The following PIGX variants were observed in gnomAD, a reference collection of about 807,000 sequenced individuals.
The protein encoded by PIGX is phosphatidylinositol glycan anchor biosynthesis class X, also known as GPI alpha-1,4-mannosyltransferase I, stabilizing subunit.
PIGX carries 24 observed loss-of-function variants against 28.7 expected under a neutral mutation model. The observed-to-expected ratio is 0.84, with a 90% CI of 0.60 to 1.17. PIGX has a LOEUF of 1.17. Among genes scored for constraint, PIGX ranks in the 50% most tolerant of loss-of-function variants. The probability of loss-of-function intolerance (pLI) is 0.00; values close to 1 mark genes in which losing one functional copy is unlikely to be tolerated. For synonymous variants in PIGX, 127 were observed against 121.0 expected (o/e 1.05, Z -0.33); for missense variants, 305 against 317.8 (o/e 0.96, Z 0.31).
chr3:196,712,546 T>TGGCGGCGGTTCGGGC lies in PIGX; in HGVS notation c.18_32dup (p.Val8_Ala12dup), dbSNP rs1319457156. On this transcript the variant is annotated inframe_insertion, in exon 1 of 6. Coordinates refer to ENST00000392391, the MANE Select transcript of PIGX (RefSeq NM_017861.4). Reference sequence around the variant, plus strand: ...GCTTCCGGCGTCCTGGCGGCTCGGGTGGCGGCGGTTCGGGCGGCCGCCTGG... The same window carrying TGGCGGCGGTTCGGGC: ...GCTTCCGGCGTCCTGGCGGCTCGGGTGGCGGCGGTTCGGGCGGCGGCGGTTCGGGCGGCCGCCTGG... The TGGCGGCGGTTCGGGC allele has an allele frequency of 4.3e-6, 5 of 1,174,772 alleles. No homozygotes were observed. The highest frequency in any genetic ancestry group is 5.3e-6 in the Non-Finnish European group (5 of 951,266). 72.8% of individuals were successfully genotyped at this position (1,174,772 alleles called of 1,614,324 possible). A position where few individuals can be genotyped will look rare whatever the true frequency, so the allele number is the denominator to read the frequency against.
intron 3 of PIGX, among the ~76,000 whole-genome samples, chr3:196,725,057 A>C (rs762598828): frequency 6.6e-6 from 1 of 152,236 alleles, no homozygotes; most frequent in Non-Finnish European, 1.5e-5. Context: ...AGGTTCACCA[A>C]GGATAAGGCA....
Position 196,734,115 on chromosome 3 carries a change from A to G in PIGX, c.*213A>G, listed in dbSNP as rs1316775797. 3 of 426,660 alleles carry G rather than the reference A, an allele frequency of 7.0e-6. No individual in the cohort carries two copies. The highest frequency in any genetic ancestry group is 1.3e-3 in the Middle Eastern group (2 of 1,594). 26.4% of individuals were successfully genotyped at this position (426,660 alleles called of 1,614,324 possible). A position where few individuals can be genotyped will look rare whatever the true frequency, so the allele number is the denominator to read the frequency against. ...TGGTAATCCTCAAGCATCAGATGCC[A>G]TAAGGGGAAACTTAATTCTGCTAAA... On this transcript the variant is annotated 3_prime_UTR_variant, in exon 6 of 6. Coordinates refer to ENST00000392391, the MANE Select transcript of PIGX (RefSeq NM_017861.4).
In PIGX at chr3:196,730,923, G is replaced by T. The variant is rs902090312; in HGVS notation, c.533-69G>T. 18 of 870,230 alleles carry T rather than the reference G, an allele frequency of 2.1e-5. No individual in the cohort carries two copies. The African/African-American group carries it at 3.0e-4, about 15-fold the overall frequency. The allele number at this position is 870,230 out of a possible 1,614,324, so 53.9% of individuals were successfully genotyped here. On this transcript the variant is annotated intron_variant, in intron 4 of 5. Transcript: ENST00000392391. ...TGTTTGACAACTTCTGTCTATTGAG[G>T]TTTAATACAAGCCTAGCTTTCAGTC...
rs1712880250 is a variant in PIGX, at chr3:196,733,195, CTAA to C, written c.634-562_634-560del. On this transcript the variant is annotated intron_variant, in intron 5 of 5. Coordinates refer to ENST00000392391, the MANE Select transcript of PIGX (RefSeq NM_017861.4). The surrounding 1 kb of genome is among the most constrained non-coding windows in gnomAD (Gnocchi z 4.3). ...TATGTAAAAAGCAGAAAAATCAGAACTAATGAGATTTAACAAATTATTGTGGGA... is the reference window on the plus strand; with the variant it reads ...TATGTAAAAAGCAGAAAAATCAGAACTGAGATTTAACAAATTATTGTGGGA... Among the ~76,000 whole-genome samples the C allele has an allele frequency of 6.6e-6, 1 of 152,066 alleles. No homozygotes were observed. Among genetic ancestry groups the C allele is most frequent in the Non-Finnish European group, 1.5e-5 (1 of 68,006 alleles).
intron 3 of PIGX, among the ~76,000 whole-genome samples, chr3:196,725,358 T>C (rs1426273583): frequency 6.6e-6 from 1 of 152,172 alleles, no homozygotes; most frequent in Non-Finnish European, 1.5e-5. Flanking sequence ...AGTCATTGAA[T>C]ATCAGGCAAT....
chr3:196,728,850 GTTGC>G, intron 4 of PIGX: 1 of 722,294 alleles, frequency 1.4e-6, no homozygotes, highest in Non-Finnish European at 2.5e-6. Context: ...TTACCCCTCT[GTTGC>G]TTTTTGTTTC....
intron 5 of PIGX, among the ~76,000 whole-genome samples, chr3:196,732,122 G>GGCACGATCTCGGCTC (rs1712785070): frequency 6.7e-6 from 1 of 148,384 alleles, no homozygotes; most frequent in Non-Finnish European, 1.5e-5. Context: ...CACCACACCT[G>GGCACGATCTCGGCTC]ACTTCAGTTG....
rs544586826 is a variant in PIGX at position 196,729,844 on chromosome 3, C to T, written c.533-1148C>T. ...CAGCACTTTGGGAGGCCGAGGCAGG[C>T]GGATCAGTTGAGGTCAGGAGTTCGA... On this transcript the variant is annotated intron_variant, in intron 4 of 5. Transcript: ENST00000392391. Among the ~76,000 whole-genome samples, 44 of 151,156 alleles carry T rather than the reference C, an allele frequency of 2.9e-4. 1 individual carries two copies. The highest frequency in any genetic ancestry group is 9.8e-4 in the East Asian group (5 of 5,104).
At chr3:196,721,168 C>T (rs1712306494) in intron 2 of PIGX, 2 of 377,006 alleles carry the variant, frequency 5.3e-6, no homozygotes, top group South Asian at 2.0e-5. Flanking sequence ...ATTCTCTTCT[C>T]TTTTTTAGGA....
In PIGX at chr3:196,714,654, G is replaced by A. The variant is rs551682929; in HGVS notation, c.112+2010G>A. On this transcript the variant is annotated intron_variant, in intron 1 of 5. Coordinates refer to ENST00000392391, the MANE Select transcript of PIGX (RefSeq NM_017861.4). The stretch of plus-strand genomic sequence containing the variant: ...TTTTTTGTATTTTAGTAAAGACGGG[G>A]TTTCACCATGTTGGCCAGGTTGGTC... Among the ~76,000 whole-genome samples, 14 of 152,244 alleles carry A rather than the reference G, an allele frequency of 9.2e-5. No homozygotes were observed. The East Asian group carries it at 2.7e-3, about 30-fold the overall frequency.
chr3:196,726,246 A>G (rs1232357801), intron 3 of PIGX, among the ~76,000 whole-genome samples: 2 of 152,158 alleles, frequency 1.3e-5, no homozygotes, highest in Non-Finnish European at 2.9e-5. Flanking sequence ...AGCCATGATC[A>G]TGCCACTGCA....
intron 1 of PIGX, among the ~76,000 whole-genome samples, chr3:196,713,962 AC>A (rs1430284983): frequency 6.6e-6 from 1 of 152,108 alleles, no homozygotes; most frequent in African/African-American, 2.4e-5. Context: ...TAAAAATGGT[AC>A]TTTTGCCTTT....
chr3:196,728,256 G>A (rs749998379), intron 4 of PIGX, 120 bp downstream of exon 4: 9 of 689,436 alleles, frequency 1.3e-5, no homozygotes, highest in Non-Finnish European at 2.3e-5. Context: ...GTAGTTACAA[G>A]GGTATTTATT....
rs1456294429 is a variant in PIGX at position 196,723,139 on chromosome 3, C to T, written c.318+583C>T. ...GGCAGATTGCCTGAGCTTGGGAATT[C>T]GAAACCAGCCTGGGCAACATGGCGA... On this transcript the variant is annotated intron_variant, in intron 3 of 5. Coordinates refer to ENST00000392391, the MANE Select transcript of PIGX (RefSeq NM_017861.4). Among the ~76,000 whole-genome samples, 4 of 152,202 alleles carry T rather than the reference C, an allele frequency of 2.6e-5. No individual in the cohort carries two copies. In the East Asian group the frequency reaches 7.7e-4, roughly 29 times the overall value.
At chr3:196,720,822 C>T (rs573606887) in intron 2 of PIGX, among the ~76,000 whole-genome samples, 1 of 152,016 alleles carries the variant, frequency 6.6e-6, no homozygotes, top group African/African-American at 2.4e-5. Context: ...GTGACAAATT[C>T]TCTTAGTTTG....
chr3:196,733,445 C>T lies in PIGX; in HGVS notation c.634-314C>T, dbSNP rs992584646. 1.3e-4 allele frequency among the ~76,000 whole-genome samples: 20 copies of T among 152,196 alleles called. No homozygotes were observed. Among genetic ancestry groups the T allele is most frequent in the African/African-American group, 4.6e-4 (19 of 41,554 alleles). On this transcript the variant is annotated intron_variant, in intron 5 of 5. Coordinates refer to ENST00000392391, the MANE Select transcript of PIGX (RefSeq NM_017861.4). The surrounding 1 kb of genome is among the most constrained non-coding windows in gnomAD (Gnocchi z 4.3). ...TATTTATTTGAGACAGAGTCTTCCT[C>T]TGTCTCCCAGGCTGGAGTACAGTGG... is the stretch of plus-strand genomic sequence containing the variant.
At chr3:196,727,145 G>A (rs1712553139) in intron 3 of PIGX, among the ~76,000 whole-genome samples, 1 of 152,176 alleles carries the variant, frequency 6.6e-6, no homozygotes. Flanking sequence ...AAGAGAAGTT[G>A]TGCGTGTGTG....
At chr3:196,721,905 C>T (rs1712340577) in intron 2 of PIGX, among the ~76,000 whole-genome samples, 1 of 152,080 alleles carries the variant, frequency 6.6e-6, no homozygotes, top group Non-Finnish European at 1.5e-5. Context: ...GCATGTGCCA[C>T]CATGCCCGGC....
intron 4 of PIGX, 127 bp downstream of exon 4, chr3:196,728,263 T>G: frequency 1.5e-6 from 1 of 649,190 alleles, no homozygotes; most frequent in Non-Finnish European, 2.7e-6. Context: ...CAAGGGTATT[T>G]ATTTGCCTTA....
Sources: gnomAD v4.1 joint callset for allele counts (sites outside exome capture counted in the v4.1 genomes callset) on GRCh38, gnomAD v4.1.1 for gene constraint, Gnocchi (gnomAD v3.1) non-coding constraint, MANE v1.5 for transcripts, NCBI Gene and HGNC (gene_info 2026-07-23, HGNC 2026-07-21) for gene names.